SEM1: variants seen among roughly 807,000 people sequenced by gnomAD.
SEM1 encodes the protein SEM1 26S proteasome subunit.
Under a neutral mutation model 12.7 loss-of-function variants are expected in SEM1, and 3 were observed. The ratio of observed to expected loss-of-function variants is 0.24; its 90% CI spans 0.11 to 0.61. The LOEUF is 0.61. SEM1 is among the 20% of genes least tolerant of loss of function. The probability of loss-of-function intolerance (pLI) is 0.88; values close to 1 mark genes in which losing one functional copy is unlikely to be tolerated. For synonymous variants in SEM1, 30 were observed against 27.8 expected (o/e 1.08, Z -0.25); for missense variants, 59 against 81.3 (o/e 0.73, Z 1.06).
chr7:96,483,599 A>G (rs924411717), exon 4 of SEM1: 1 of 454,012 alleles, frequency 2.2e-6, no homozygotes, highest in Non-Finnish European at 4.1e-6. Context: ...CTGTTGGAGA[A>G]GTCACTGTCT....
intron 2 of SEM1, among the ~76,000 whole-genome samples, chr7:96,636,306 A>G (rs1808422828): frequency 7.8e-6 from 1 of 128,148 alleles, no homozygotes; most frequent in African/African-American, 2.7e-5. Context: ...TTTCAGAGTA[A>G]AACTCTGAAA....
intron 2 of SEM1, among the ~76,000 whole-genome samples, chr7:96,541,445 T>TG (rs1290541577): frequency 3.1e-5 from 3 of 96,286 alleles, no homozygotes; most frequent in African/African-American, 9.3e-5. Flanking sequence ...TTTTTTTTGT[T>TG]TTTTTTTTTT....
chr7:96,568,337 A>AT (rs1466193667), intron 2 of SEM1, among the ~76,000 whole-genome samples: 1 of 151,724 alleles, frequency 6.6e-6, no homozygotes, highest in Non-Finnish European at 1.5e-5. Context: ...CATTTTAAAT[A>AT]TTTTCGCTTT....
intron 2 of SEM1, among the ~76,000 whole-genome samples, chr7:96,527,709 G>A (rs1180377056): frequency 1.3e-5 from 2 of 152,052 alleles, no homozygotes; most frequent in Admixed American, 6.6e-5. Flanking sequence ...TGTTATTATT[G>A]CCACAACTGG....
At chr7:96,500,103 AC>A (rs1264005105), upstream of SEM1, among the ~76,000 whole-genome samples, 2 of 152,070 alleles carry the variant, frequency 1.3e-5, no homozygotes, top group Non-Finnish European at 2.9e-5. Flanking sequence ...TCAGTCTGGC[AC>A]CCCTTTGCAA....
At chr7:96,488,896 T>G (rs4395812) in intron 1 of SEM1, among the ~76,000 whole-genome samples, 151,433 of 152,164 alleles carry the variant, frequency 1, 75,356 homozygotes, top group East Asian at 1. Context: ...TAATTGAAGT[T>G]AAAAGAAGTT....
chr7:96,558,287 A>C (rs1805591493), intron 2 of SEM1: 1 of 152,410 alleles, frequency 6.6e-6, no homozygotes, highest in African/African-American at 2.4e-5. Context: ...AAAGAAGCAA[A>C]GGGCAGAGAA....
intron 2 of SEM1, among the ~76,000 whole-genome samples, chr7:96,614,709 C>T (rs1807651231): frequency 6.6e-6 from 1 of 152,212 alleles, no homozygotes. Context: ...TGTCTGTCTT[C>T]ATCTCCTTCT....
At chr7:96,535,970 A>C (rs1022344379) in intron 2 of SEM1, among the ~76,000 whole-genome samples, 13 of 151,952 alleles carry the variant, frequency 8.6e-5, no homozygotes, top group African/African-American at 2.9e-4. Context: ...ATTTGGGTAC[A>C]TATCCGGGAG....
chr7:96,631,957 T>C (rs1808275647), intron 2 of SEM1, among the ~76,000 whole-genome samples: 1 of 152,208 alleles, frequency 6.6e-6, no homozygotes. Context: ...GAAAAAATGC[T>C]CATCATCACT....
At chr7:96,670,384 T>C (rs957129806), downstream of SEM1, among the ~76,000 whole-genome samples, 2 of 152,190 alleles carry the variant, frequency 1.3e-5, no homozygotes, top group African/African-American at 4.8e-5. Context: ...CTTTATAATA[T>C]ACTCTTTTTT....
At chr7:96,646,302 A>C (rs1584830411) in intron 2 of SEM1, among the ~76,000 whole-genome samples, 1 of 152,168 alleles carries the variant, frequency 6.6e-6, no homozygotes, top group East Asian at 1.9e-4. Context: ...AGCCTGAAAT[A>C]TTTACTATCT....
At chr7:96,688,154 T>G (rs1789817815), downstream of SEM1, 1 of 152,096 alleles carries the variant, frequency 6.6e-6, no homozygotes, top group South Asian at 2.1e-4. Context: ...CAAACCAAAT[T>G]AAATCTCCCA....
At chr7:96,704,168 G>A (rs1790370699) in intron 1 of SEM1, among the ~76,000 whole-genome samples, 1 of 151,780 alleles carries the variant, frequency 6.6e-6, no homozygotes, top group African/African-American at 2.4e-5. Context: ...CAAGTAGGAG[G>A]AAATAGTATA....
intron 2 of SEM1, among the ~76,000 whole-genome samples, chr7:96,554,846 A>G (rs573063154): frequency 6.6e-6 from 1 of 151,008 alleles, no homozygotes; most frequent in Admixed American, 6.6e-5. Context: ...TTGGTTGGTA[A>G]GCTATTGATT....
intron 2 of SEM1, among the ~76,000 whole-genome samples, chr7:96,552,244 G>A (rs1477814328): frequency 6.6e-6 from 1 of 151,886 alleles, no homozygotes; most frequent in Non-Finnish European, 1.5e-5. Context: ...ACATTGTGCA[G>A]GTTAGTTACA....
upstream of SEM1, among the ~76,000 whole-genome samples, chr7:96,498,814 C>G (rs1334572591): frequency 6.6e-6 from 1 of 152,010 alleles, no homozygotes; most frequent in African/African-American, 2.4e-5. Context: ...AACCCTGTAA[C>G]CTTGAGAAGG....
At chr7:96,691,708 G>A (rs1240240970) in intron 2 of SEM1, among the ~76,000 whole-genome samples, 3 of 152,230 alleles carry the variant, frequency 2.0e-5, no homozygotes, top group African/African-American at 7.2e-5. Context: ...CAAGGATTGT[G>A]CGAGGCTGTT....
intron 2 of SEM1, among the ~76,000 whole-genome samples, chr7:96,545,131 C>A (rs530313937): frequency 1.5e-4 from 23 of 151,938 alleles, no homozygotes; most frequent in Non-Finnish European, 2.8e-4. Context: ...AGTGGATGCA[C>A]CCCTTTTTAG....
Sources: gnomAD v4.1 joint callset for allele counts (sites outside exome capture counted in the v4.1 genomes callset) on GRCh38, gnomAD v4.1.1 for gene constraint, MANE v1.5 for transcripts, NCBI Gene and HGNC (gene_info 2026-07-23, HGNC 2026-07-21) for gene names.